ZNF705G: variants seen among roughly 807,000 people sequenced by gnomAD.
ZNF705G encodes zinc finger protein 705G.
Under a neutral mutation model 19.6 loss-of-function variants are expected in ZNF705G, and 23 were observed. The observed-to-expected ratio is 1.17, with a 90% CI of 0.84 to 1.66. ZNF705G has a LOEUF of 1.66. ZNF705G is among the 40% of genes most tolerant of loss of function. ZNF705G has a pLI of 0.00. For missense variants in ZNF705G, 457 were observed against 354.4 expected (o/e 1.29, Z -2.32); for synonymous variants, 146 against 117.7 (o/e 1.24, Z -1.56).
intron 3 of ZNF705G, among the ~76,000 whole-genome samples, chr8:7,362,238 T>A (rs988015259): frequency 6.7e-6 from 1 of 149,838 alleles, no homozygotes; most frequent in African/African-American, 2.5e-5. Context: ...ATAATTATAT[T>A]TCTTATATGT....
chr8:7,360,716 T>C, intron 4 of ZNF705G, among the ~76,000 whole-genome samples: 1 of 149,652 alleles, frequency 6.7e-6, no homozygotes, highest in Non-Finnish European at 1.5e-5. Flanking sequence ...ATTGGTGTTC[T>C]ATATGGAAAA....
intron 2 of ZNF705G, among the ~76,000 whole-genome samples, chr8:7,379,458 G>A (rs780645851): frequency 1.4e-5 from 2 of 146,918 alleles, no homozygotes; most frequent in African/African-American, 2.7e-5. Context: ...CAAGATGGCT[G>A]ACTAGAGGTA....
Position 7,359,604 on chromosome 8 carries a change from A to C in ZNF705G, c.318+15T>G. ...TTTAACTTAGATGACTGGTGTACAC[A>C]GCTATAAAACTTACCATTGTCATAC... On this transcript the variant is annotated intron_variant, in intron 6 of 6. Transcript: ENST00000400156. 6.2e-7 allele frequency: 1 copy of C among 1,605,808 alleles called. No individual in the cohort carries two copies. Among genetic ancestry groups the C allele is most frequent in the Non-Finnish European group, 8.5e-7 (1 of 1,179,032 alleles).
chr8:7,361,015 A>G, intron 4 of ZNF705G, 95 bp downstream of exon 4: 1 of 1,582,892 alleles, frequency 6.3e-7, no homozygotes, highest in Non-Finnish European at 8.5e-7. Context: ...ATCAGAGAAG[A>G]GATTAGAGTG....
Position 7,360,239 on chromosome 8 carries a change from G to C in ZNF705G, c.233C>G (p.Pro78Arg). ...EGRVFLQDQN[P>R]NRESALKKTH... ...GAGCACAGGACCCTGTTGCTTACTT[G>C]GATTCTGGTCTTGAAGAAATACTCT... The change falls in exon 5 of 7, where the codon CCA (proline) becomes CGA (arginine). Residue 78 changes from proline (P) to arginine (R), a missense_variant and splice_region_variant. Coordinates refer to ENST00000400156, the MANE Select transcript of ZNF705G (RefSeq NM_001164457.3). 1 of 1,592,150 alleles carries C rather than the reference G, an allele frequency of 6.3e-7. No homozygotes were observed. Among genetic ancestry groups the C allele is most frequent in the South Asian group, 1.1e-5 (1 of 90,694 alleles).
intron 2 of ZNF705G, among the ~76,000 whole-genome samples, chr8:7,381,104 A>C (rs1253974122): frequency 7.7e-6 from 1 of 129,352 alleles, no homozygotes; most frequent in Non-Finnish European, 1.5e-5. Context: ...GGTCAGCATT[A>C]TTTGTTATTA....
At chr8:7,364,156 A>C (rs1321052809) in intron 2 of ZNF705G, among the ~76,000 whole-genome samples, 1 of 149,640 alleles carries the variant, frequency 6.7e-6, no homozygotes, top group African/African-American at 2.6e-5. Context: ...GCTGAGAAAT[A>C]CCGATGTCCA....
chr8:7,361,685 A>T (rs1259928010), intron 3 of ZNF705G, among the ~76,000 whole-genome samples: 1 of 149,708 alleles, frequency 6.7e-6, no homozygotes, highest in African/African-American at 2.6e-5. Context: ...CAGGTTTCTC[A>T]CCAATCAAAT....
intron 1 of ZNF705G, among the ~76,000 whole-genome samples, chr8:7,383,996 C>A (rs1242289088): frequency 7.2e-6 from 1 of 139,430 alleles, no homozygotes; most frequent in Non-Finnish European, 1.5e-5. Flanking sequence ...AGTGGTCACC[C>A]TACATTAATA....
chr8:7,370,320 A>G (rs923908166), intron 2 of ZNF705G, among the ~76,000 whole-genome samples: 1 of 149,026 alleles, frequency 6.7e-6, no homozygotes, highest in Non-Finnish European at 1.5e-5. Flanking sequence ...CCAGAAGAAC[A>G]GATACAAATG....
intron 2 of ZNF705G, among the ~76,000 whole-genome samples, chr8:7,370,105 A>C (rs1327492409): frequency 2.7e-5 from 4 of 148,544 alleles, no homozygotes; most frequent in Non-Finnish European, 5.9e-5. Flanking sequence ...CCACTGGAAA[A>C]AAAAAAATAC....
chr8:7,366,668 T>A (rs527793275), intron 2 of ZNF705G, among the ~76,000 whole-genome samples: 1 of 149,748 alleles, frequency 6.7e-6, no homozygotes, highest in Non-Finnish European at 1.5e-5. Context: ...ACGTTATTTT[T>A]AAAAAATAAT....
chr8:7,378,865 C>A (rs1467918595), intron 2 of ZNF705G, among the ~76,000 whole-genome samples: 1 of 147,006 alleles, frequency 6.8e-6, no homozygotes, highest in East Asian at 1.9e-4. Flanking sequence ...AACCTCAATT[C>A]CCCTTTGCTT....
chr8:7,382,755 T>C (rs1807551655), intron 1 of ZNF705G, among the ~76,000 whole-genome samples: 1 of 146,808 alleles, frequency 6.8e-6, no homozygotes, highest in Non-Finnish European at 1.5e-5. Context: ...CTGAAAGTGC[T>C]ACATGAATCA....
chr8:7,370,226 A>G (rs570515576), intron 2 of ZNF705G, among the ~76,000 whole-genome samples: 9 of 147,506 alleles, frequency 6.1e-5, no homozygotes, highest in African/African-American at 2.1e-4. Flanking sequence ...AGCCGAGATC[A>G]CGCCACTGCA....
At position 7,367,476 on chromosome 8, in the gene ZNF705G, C is replaced by T. The variant is rs188110217; in HGVS notation, c.-71-4459G>A. ...CATAATCTTCCGGGGGCACGCTCCA[C>T]CGGAAAAGGAAAGAAAGCTTCAGAT... On this transcript the variant is annotated intron_variant, in intron 2 of 6. Coordinates refer to ENST00000400156, the MANE Select transcript of ZNF705G (RefSeq NM_001164457.3). 1.5e-3 allele frequency among the ~76,000 whole-genome samples: 224 copies of T among 149,460 alleles called. 2 individuals are homozygous for T. Among genetic ancestry groups the T allele is most frequent in the Non-Finnish European group, 2.2e-3 (147 of 67,986 alleles).
chr8:7,383,285 A>G (rs1313880723), intron 1 of ZNF705G, among the ~76,000 whole-genome samples: 2 of 147,738 alleles, frequency 1.4e-5, no homozygotes, highest in African/African-American at 2.7e-5. Context: ...TAAAGGAATT[A>G]AACAGCAGAA....
intron 2 of ZNF705G, among the ~76,000 whole-genome samples, chr8:7,365,659 C>A (rs1165119964): frequency 1.3e-5 from 2 of 149,432 alleles, no homozygotes; most frequent in African/African-American, 5.2e-5. Context: ...CGTGAGCCAC[C>A]GTGCCCGGCC....
At chr8:7,379,854 C>T (rs1163587461) in intron 2 of ZNF705G, among the ~76,000 whole-genome samples, 2 of 146,548 alleles carry the variant, frequency 1.4e-5, no homozygotes, top group Non-Finnish European at 2.9e-5. Context: ...ACACAGGCAG[C>T]TGTGGCACAA....
Sources: allele counts gnomAD v4.1 joint callset (sites outside exome capture counted in the v4.1 genomes callset), GRCh38; gene constraint gnomAD v4.1.1; transcripts MANE v1.5; gene names NCBI Gene and HGNC (gene_info 2026-07-23, HGNC 2026-07-21).